The following ZNF74 variants were observed in gnomAD, a reference collection of about 807,000 sequenced individuals.
ZNF74 encodes the protein zinc finger protein 74.
In ZNF74, 12 loss-of-function variants were observed where a neutral mutation model predicts 17.7. The ratio of observed to expected loss-of-function variants is 0.68; its 90% CI spans 0.43 to 1.10. The LOEUF is 1.10. ZNF74 is among the 50% of genes least tolerant of loss of function. ZNF74 has a pLI of 0.00. For missense variants in ZNF74, 811 were observed against 881.0 expected (o/e 0.92, Z 1.01); for synonymous variants, 358 against 362.1 (o/e 0.99, Z 0.13).
intron 3 of ZNF74, 44 bp downstream of exon 3, chr22:20,400,802 T>C (rs751473602): frequency 1.2e-6 from 2 of 1,605,568 alleles, no homozygotes; most frequent in Admixed American, 3.4e-5. Context: ...CTGTCAGCCT[T>C]CTTCTACATG....
rs1248900186 is a variant in ZNF74, at chr22:20,401,149, C to T, written c.248-128C>T. ...TCTGAGACCCTCACTGCTTTTGGCC[C>T]AGAGGACCTCCTGTTCCCAGAGAGG... is the stretch of plus-strand genomic sequence containing the variant. On this transcript the variant is annotated intron_variant, in intron 3 of 4. Coordinates refer to ENST00000400451, the MANE Select transcript of ZNF74 (RefSeq NM_003426.4). This position sits in a 1 kb window ranked among gnomAD's most constrained non-coding sequence, Gnocchi z 4.2. 2.6e-5 allele frequency: 17 copies of T among 655,198 alleles called. No individual in the cohort carries two copies. Among genetic ancestry groups the T allele is most frequent in the Non-Finnish European group, 4.6e-5 (17 of 369,960 alleles). 40.6% of individuals were successfully genotyped at this position (655,198 alleles called of 1,614,324 possible). A position where few individuals can be genotyped will look rare whatever the true frequency, so the allele number is the denominator to read the frequency against.
rs201262523 is a variant in ZNF74, at chr22:20,400,659, G to A, written c.148G>A (p.Val50Met). Residue 50 changes from valine (V) to methionine (M), a missense_variant, in exon 3 of 5, where the codon GTG becomes ATG. Transcript: ENST00000400451. ...KESVSFKDVA[V>M]DFTQEEWGQL... ...ATCGGTGAGTTTCAAGGATGTGGCT[G>A]TGGACTTCACCCAGGAGGAGTGGGG... is the stretch of plus-strand genomic sequence containing the variant. The A allele has an allele frequency of 6.2e-7, 1 of 1,614,196 alleles. No homozygotes were observed. The highest frequency in any genetic ancestry group is 8.5e-7 in the Non-Finnish European group (1 of 1,180,024).
At chr22:20,403,179 C>T (rs1401166450) in intron 4 of ZNF74, among the ~76,000 whole-genome samples, 1 of 151,934 alleles carries the variant, frequency 6.6e-6, no homozygotes, top group Non-Finnish European at 1.5e-5. Flanking sequence ...CTTCTCTCTG[C>T]TCTGTGCAAC....
chr22:20,396,114 AAG>A (rs927833212), intron 2 of ZNF74, among the ~76,000 whole-genome samples: 9 of 151,984 alleles, frequency 5.9e-5, no homozygotes, highest in African/African-American at 1.9e-4. Flanking sequence ...GCAGTTGACA[AAG>A]AGAGCACAGT....
chr22:20,404,956 C>A (rs73879349), intron 4 of ZNF74, among the ~76,000 whole-genome samples: 3 of 152,156 alleles, frequency 2.0e-5, no homozygotes, highest in Non-Finnish European at 4.4e-5. Context: ...AACAAACAAA[C>A]AAAAAACATG....
chr22:20,395,103 C>T, intron 1 of ZNF74: 1 of 488,548 alleles, frequency 2.0e-6, no homozygotes, highest in Non-Finnish European at 3.6e-6. Context: ...CTCAGACGTG[C>T]TTGATTGGGG....
At position 20,407,183 on chromosome 22, in the gene ZNF74, T is replaced by A; in HGVS notation, c.*215T>A. 1.6e-6 allele frequency: 1 copy of A among 644,146 alleles called. No homozygotes were observed. Among genetic ancestry groups the A allele is most frequent in the African/African-American group, 1.8e-5 (1 of 54,688 alleles). The allele number at this position is 644,146 out of a possible 1,614,324, so 39.9% of individuals were successfully genotyped here. On this transcript the variant is annotated 3_prime_UTR_variant, in exon 5 of 5. Coordinates refer to ENST00000400451, the MANE Select transcript of ZNF74 (RefSeq NM_003426.4). ...ACTCCAGGAGGAGTGTTGAGAGTCA[T>A]TTGAGGTAGTCTTGCCACCTGTTTT...
chr22:20,400,944 C>T (rs750428417), intron 3 of ZNF74, 186 bp downstream of exon 3: 7 of 668,944 alleles, frequency 1.0e-5, no homozygotes, highest in South Asian at 1.8e-5. Flanking sequence ...CAAGGGACAG[C>T]GTGGGAGCTG....
rs760019573 is a variant in ZNF74, at chr22:20,407,771, C to G, written c.*803C>G. 1 of 152,200 alleles carries G rather than the reference C, an allele frequency of 6.6e-6. No individual in the cohort carries two copies. The highest frequency in any genetic ancestry group is 2.4e-5 in the African/African-American group (1 of 41,440). The allele number at this position is 152,200 out of a possible 1,614,324, so 9.4% of individuals were successfully genotyped here. Reference sequence around the variant, plus strand: ...GAAAAAGTGAATTTCCTGGACTTAACTCATGTAAATAGCTCTACTGCAGAG... The same window carrying G: ...GAAAAAGTGAATTTCCTGGACTTAAGTCATGTAAATAGCTCTACTGCAGAG... On this transcript the variant is annotated 3_prime_UTR_variant, in exon 5 of 5. Transcript: ENST00000400451.
intron 4 of ZNF74, among the ~76,000 whole-genome samples, chr22:20,404,696 G>T (rs1333953306): frequency 6.6e-6 from 1 of 152,172 alleles, no homozygotes; most frequent in Non-Finnish European, 1.5e-5. Flanking sequence ...CTTCTGAAAA[G>T]GTTTGCATGC....
At position 20,405,538 on chromosome 22, in the gene ZNF74, G is replaced by A; in HGVS notation, c.505G>A (p.Ala169Thr). ...SQAAPWAPAP[A>T]MVWDVPVEEF... is the part of the protein sequence containing the mutation. ...GGCTGCGCCCTGGGCGCCCGCACCT[G>A]CCATGGTCTGGGACGTCCCTGTAGA... Residue 169 changes from alanine to threonine, a missense_variant, in exon 5 of 5, where the codon GCC (alanine) becomes ACC (threonine). By Grantham distance (58) the Ala-to-Thr change is moderately conservative. Around this residue, in one of 3 missense-constraint regions of ZNF74, gnomAD observed 666 missense variants for 702.3 expected, o/e 0.95. Coordinates refer to ENST00000400451, the MANE Select transcript of ZNF74 (RefSeq NM_003426.4). The A allele has an allele frequency of 6.2e-7, 1 of 1,604,660 alleles. No individual in the cohort carries two copies. Among genetic ancestry groups the A allele is most frequent in the East Asian group, 2.2e-5 (1 of 44,700 alleles).
intron 4 of ZNF74, among the ~76,000 whole-genome samples, chr22:20,404,247 C>A (rs944662763): frequency 5.9e-5 from 9 of 152,190 alleles, no homozygotes; most frequent in African/African-American, 2.2e-4. Flanking sequence ...GAAACCTCCC[C>A]CTTTGACAGA....
rs1022370511 is a variant in ZNF74 at position 20,406,114 on chromosome 22, C to T, written c.1081C>T (p.Arg361Trp). The T allele has an allele frequency of 2.5e-6, 4 of 1,604,612 alleles. No homozygotes were observed. The highest frequency in any genetic ancestry group is 4.5e-5 in the East Asian group (2 of 44,312). The change falls in exon 5 of 5, where the codon CGG becomes TGG. Residue 361 changes from arginine to tryptophan, a missense_variant. This residue lies in a region of ZNF74 where 666 missense variants were observed against 702.3 expected (regional missense o/e 0.95). Coordinates refer to ENST00000400451, the MANE Select transcript of ZNF74 (RefSeq NM_003426.4). The part of the protein sequence containing the change: ...LRVHTGEKPY[R>W]CGECGKAFNQ... ...GGTGCACACCGGCGAGAAGCCCTAC[C>T]GGTGCGGCGAGTGCGGCAAGGCCTT...
intron 4 of ZNF74, among the ~76,000 whole-genome samples, chr22:20,404,855 G>C (rs1479677129): frequency 6.6e-6 from 1 of 152,172 alleles, no homozygotes; most frequent in Non-Finnish European, 1.5e-5. Context: ...CCGGAGAATG[G>C]CGTGAACCTG....
intron 2 of ZNF74, 45 bp downstream of exon 2, chr22:20,395,463 C>T: frequency 1.4e-6 from 2 of 1,458,300 alleles, no homozygotes; most frequent in Non-Finnish European, 1.9e-6. Context: ...AGGGTTGGCA[C>T]ATTCCCTCCC....
Position 20,401,148 on chromosome 22 carries a change from C to T in ZNF74, c.248-129C>T, listed in dbSNP as rs2052352405. On this transcript the variant is annotated intron_variant, in intron 3 of 4. Transcript: ENST00000400451. The surrounding 1 kb of genome is among the most constrained non-coding windows in gnomAD (Gnocchi z 4.2). ...GTCTGAGACCCTCACTGCTTTTGGC[C>T]CAGAGGACCTCCTGTTCCCAGAGAG... is the stretch of plus-strand genomic sequence containing the variant. The T allele has an allele frequency of 3.1e-6, 2 of 653,382 alleles. No homozygotes were observed. Among genetic ancestry groups the T allele is most frequent in the South Asian group, 1.9e-5 (1 of 53,030 alleles). The allele number at this position is 653,382 out of a possible 1,614,324, so 40.5% of individuals were successfully genotyped here.
At position 20,406,560 on chromosome 22, in the gene ZNF74, C is replaced by CA; in HGVS notation, c.1528dup (p.Ser510LysfsTer16). ...ACTGCAGCCAGTGTTGGAAGGCCTT[C>CA]AGCTGCCACTCGTCCCTCATCGTGC... On this transcript the variant is annotated frameshift_variant, in exon 5 of 5. Transcript: ENST00000400451. LOFTEE classifies it low-confidence loss of function (END_TRUNC). The CA allele has an allele frequency of 6.2e-7, 1 of 1,614,226 alleles. No homozygotes were observed. The highest frequency in any genetic ancestry group is 8.5e-7 in the Non-Finnish European group (1 of 1,180,036).
At position 20,405,496 on chromosome 22, in the gene ZNF74, G is replaced by A. The variant is rs750910736; in HGVS notation, c.463G>A (p.Ala155Thr). 7 of 1,607,228 alleles carry A rather than the reference G, an allele frequency of 4.4e-6. No individual in the cohort carries two copies. In the Admixed American group the frequency reaches 5.1e-5, roughly 12 times the overall value. The change falls in exon 5 of 5, where the codon GCT becomes ACT. Residue 155 changes from alanine (A) to threonine (T), a missense_variant. Physicochemically the swap from Ala to Thr is moderately conservative, Grantham distance 58. This residue lies in a region of ZNF74 where 666 missense variants were observed against 702.3 expected (regional missense o/e 0.95). Transcript: ENST00000400451. The part of the protein sequence containing the change: ...GAQAWGRQAG[A>T]LQRSQAAPWA... ...GCAGGCGTGGGGGCGCCAGGCAGGT[G>A]CTCTGCAGAGGAGTCAGGCTGCGCC...
At position 20,405,888 on chromosome 22, in the gene ZNF74, C is replaced by T. The variant is rs186281032; in HGVS notation, c.855C>T (p.Phe285=). The change falls in exon 5 of 5, where the codon TTC becomes TTT. Residue 285 remains phenylalanine (F), a synonymous_variant. Transcript: ENST00000400451. ...AGTGCGATGAATGCGGCAAGGCCTT[C>T]ACCTGGAGCACCAACCTTCTGGAGC... The part of the protein sequence containing the change: ...AYKCDECGKA[F]TWSTNLLEHR... The T allele has an allele frequency of 6.2e-7, 1 of 1,613,770 alleles. No homozygotes were observed. The highest frequency in any genetic ancestry group is 2.2e-5 in the East Asian group (1 of 44,866).
Sources: gnomAD v4.1 joint callset for allele counts (sites outside exome capture counted in the v4.1 genomes callset) on GRCh38, gnomAD v4.1.1 for gene constraint, gnomAD v4.1.1 regional missense constraint, Gnocchi (gnomAD v3.1) non-coding constraint, MANE v1.5 for transcripts, NCBI Gene and HGNC (gene_info 2026-07-23, HGNC 2026-07-21) for gene names.